The following SDK1 variants were observed in gnomAD, a reference collection of about 807,000 sequenced individuals.
The protein encoded by SDK1 is protein sidekick-1.
A neutral mutation model predicts 245.5 loss-of-function variants in SDK1; 157 were observed. The ratio of observed to expected loss-of-function variants is 0.64; its 90% confidence interval spans 0.56 to 0.73. The LOEUF (loss-of-function observed/expected upper bound fraction) is 0.73. SDK1 is among the 30% of genes least tolerant of loss of function. The pLI, the probability that SDK1 is intolerant of heterozygous loss-of-function variation, is 0.00. For synonymous variants in SDK1, 1,647 were observed against 1,278.5 expected (o/e 1.29, Z -6.15); for missense variants, 3,583 against 3,002.3 (o/e 1.19, Z -4.52).
chr7:3,876,670 T>C (rs1781085547), intron 5 of SDK1, among the ~76,000 whole-genome samples: 1 of 152,224 alleles, frequency 6.6e-6, no homozygotes, highest in Non-Finnish European at 1.5e-5. Flanking sequence ...TAGTAGACCT[T>C]AAGTGGCCAA....
At chr7:3,381,913 A>G (rs1781497386) in intron 1 of SDK1, among the ~76,000 whole-genome samples, 1 of 152,128 alleles carries the variant, frequency 6.6e-6, no homozygotes, top group African/African-American at 2.4e-5. Flanking sequence ...GACATTTTTG[A>G]ATGATACCTA....
At chr7:3,658,682 A>C (rs1783263361) in intron 4 of SDK1, among the ~76,000 whole-genome samples, 1 of 136,820 alleles carries the variant, frequency 7.3e-6, no homozygotes, top group Non-Finnish European at 1.5e-5. Context: ...ATCGATCTCC[A>C]CTCACTGCTG....
chr7:3,381,387 C>T (rs553347389), intron 1 of SDK1, among the ~76,000 whole-genome samples: 9 of 152,132 alleles, frequency 5.9e-5, no homozygotes, highest in African/African-American at 9.6e-5. Context: ...AGAGAAAGAG[C>T]ACCCGCACTG....
chr7:3,968,798 T>G (rs1245571843), intron 10 of SDK1, among the ~76,000 whole-genome samples: 1 of 152,236 alleles, frequency 6.6e-6, no homozygotes, highest in Non-Finnish European at 1.5e-5. Flanking sequence ...TCTGATTATT[T>G]CCTTAAGTTA....
intron 14 of SDK1, among the ~76,000 whole-genome samples, chr7:4,007,593 C>G (rs1785584662): frequency 1.3e-5 from 2 of 152,032 alleles, no homozygotes. Context: ...ATCACCCCAT[C>G]TTTTCATTAT....
At chr7:3,697,734 T>G (rs2115003055) in intron 4 of SDK1, among the ~76,000 whole-genome samples, 1 of 152,330 alleles carries the variant, frequency 6.6e-6, no homozygotes, top group South Asian at 2.1e-4. Context: ...TAGGTTTTGC[T>G]GCTTTTATTG....
At chr7:4,214,882 C>T (rs1413005449) in intron 38 of SDK1, among the ~76,000 whole-genome samples, 1 of 152,236 alleles carries the variant, frequency 6.6e-6, no homozygotes, top group East Asian at 1.9e-4. Context: ...CTGCAGGCAC[C>T]ATCATCCGTG....
At chr7:3,795,218 T>G (rs1464131909) in intron 4 of SDK1, among the ~76,000 whole-genome samples, 1 of 152,148 alleles carries the variant, frequency 6.6e-6, no homozygotes, top group Admixed American at 6.5e-5. Context: ...ACATGTCTGT[T>G]TTACATGATA....
chr7:3,701,209 A>G (rs529471186), intron 4 of SDK1, among the ~76,000 whole-genome samples: 1 of 152,338 alleles, frequency 6.6e-6, no homozygotes, highest in Admixed American at 6.5e-5. Context: ...TGCTTTAAAA[A>G]ACACTTAGGT....
At chr7:4,240,576 G>C (rs1786456469) in intron 42 of SDK1, among the ~76,000 whole-genome samples, 1 of 152,178 alleles carries the variant, frequency 6.6e-6, no homozygotes, top group African/African-American at 2.4e-5. Context: ...AGGGGGGCCA[G>C]GTCCCAGCAG....
intron 42 of SDK1, among the ~76,000 whole-genome samples, chr7:4,238,567 T>A (rs1786327450): frequency 6.6e-6 from 1 of 151,140 alleles, no homozygotes; most frequent in Non-Finnish European, 1.5e-5. Flanking sequence ...TGTCTCTTTT[T>A]TTTTTTTAAT....
intron 1 of SDK1, among the ~76,000 whole-genome samples, chr7:3,409,477 T>C (rs1291804781): frequency 6.6e-6 from 1 of 152,182 alleles, no homozygotes; most frequent in Non-Finnish European, 1.5e-5. Context: ...CTTTGAAGTG[T>C]TACTGCTTCT....
intron 1 of SDK1, among the ~76,000 whole-genome samples, chr7:3,548,004 T>C (rs960455875): frequency 3.3e-5 from 5 of 152,238 alleles, no homozygotes; most frequent in African/African-American, 1.2e-4. Flanking sequence ...CAGCTTTGAT[T>C]GTTTCTAAAG....
At chr7:3,728,839 C>T (rs1488436763) in intron 4 of SDK1, among the ~76,000 whole-genome samples, 1 of 152,104 alleles carries the variant, frequency 6.6e-6, no homozygotes, top group Non-Finnish European at 1.5e-5. Context: ...CTCCTGACCT[C>T]AGGTAACCCG....
intron 1 of SDK1, among the ~76,000 whole-genome samples, chr7:3,557,713 A>T (rs751620855): frequency 6.6e-6 from 1 of 152,170 alleles, no homozygotes; most frequent in East Asian, 1.9e-4. Context: ...ATCTCTTTGT[A>T]TTACATCCTA....
At chr7:3,565,047 T>C (rs1779866954) in intron 1 of SDK1, among the ~76,000 whole-genome samples, 2 of 151,880 alleles carry the variant, frequency 1.3e-5, no homozygotes, top group Admixed American at 6.6e-5. Flanking sequence ...GTGGGGTCGG[T>C]GGTAAGATCA....
rs1023282677 is a variant in SDK1 at position 3,708,661 on chromosome 7, C to G, written c.713+66556C>G. ...ACCAGGCCCTCCATACCTCCAAGGTCCAGTTACCTCCCACCAGGCCCTCCA... is the reference window on the plus strand; with the variant it reads ...ACCAGGCCCTCCATACCTCCAAGGTGCAGTTACCTCCCACCAGGCCCTCCA... On this transcript the variant is annotated intron_variant, in intron 4 of 44. Coordinates refer to ENST00000404826, the MANE Select transcript of SDK1 (RefSeq NM_152744.4). Among the ~76,000 whole-genome samples the G allele has an allele frequency of 2.8e-3, 380 of 138,036 alleles. 1 individual carries two copies. The highest frequency in any genetic ancestry group is 9.7e-3 in the African/African-American group (353 of 36,570). 90.6% of individuals were successfully genotyped at this position (138,036 alleles called of 152,430 possible). A position where few individuals can be genotyped will look rare whatever the true frequency, so the allele number is the denominator to read the frequency against.
At position 3,735,041 on chromosome 7, in the gene SDK1, C is replaced by G. The variant is rs112182410; in HGVS notation, c.714-86409C>G. Among the ~76,000 whole-genome samples, 536 of 152,104 alleles carry G rather than the reference C, an allele frequency of 3.5e-3. 13 individuals carry two copies. The highest frequency in any genetic ancestry group is 0.033 in the Admixed American group (500 of 15,270). ...TGTAATTACAGAACGCTCCCTCAAG[C>G]TAGTGGAGAATGTATAATTTGGAAT... On this transcript the variant is annotated intron_variant, in intron 4 of 44. Transcript: ENST00000404826.
chr7:3,926,275 TG>T lies in SDK1; in HGVS notation c.848-24644del, dbSNP rs151019787. Among the ~76,000 whole-genome samples, 736 of 152,236 alleles carry T rather than the reference TG, an allele frequency of 4.8e-3. 7 individuals carry two copies. Among genetic ancestry groups the T allele is most frequent in the African/African-American group, 0.017 (705 of 41,530 alleles). The stretch of plus-strand genomic sequence containing the variant: ...CCTCAGCCAGAAGGAATGAAATCAC[TG>T]GGGCTGTCATGAGCAATGAAAATGA... On this transcript the variant is annotated intron_variant, in intron 5 of 44. Coordinates refer to ENST00000404826, the MANE Select transcript of SDK1 (RefSeq NM_152744.4).
Sources: gnomAD v4.1 joint callset for allele counts (sites outside exome capture counted in the v4.1 genomes callset) on GRCh38, gnomAD v4.1.1 for gene constraint, MANE v1.5 for transcripts, NCBI Gene and HGNC (gene_info 2026-07-23, HGNC 2026-07-21) for gene names.